The following UGP2 variants were observed in gnomAD, a reference collection of about 807,000 sequenced individuals.
The protein encoded by UGP2 is UDP-glucose pyrophosphorylase 2, also known as UTP--glucose-1-phosphate uridylyltransferase.
Under a neutral mutation model 49.0 loss-of-function variants are expected in UGP2, and 40 were observed. The observed-to-expected ratio is 0.82, with a 90% CI of 0.63 to 1.06. The LOEUF (loss-of-function observed/expected upper bound fraction) is 1.06, where lower values mean the gene tolerates loss of function less well. UGP2 is among the 50% of genes least tolerant of loss of function. The pLI is 0.00. For missense variants in UGP2, 460 were observed against 603.5 expected, an observed-to-expected ratio of 0.76 and a Z score of 2.49; for synonymous variants, 225 against 213.0, an observed-to-expected ratio of 1.06 and a Z score of -0.49.
intron 3 of UGP2, among the ~76,000 whole-genome samples, chr2:63,867,492 G>C (rs1260943034): frequency 1.3e-5 from 2 of 152,064 alleles, no homozygotes; most frequent in Non-Finnish European, 2.9e-5. Context: ...TTTGGCAAAG[G>C]CTCAACCACA....
chr2:63,842,412 GT>G (rs751883949), intron 1 of UGP2: 1 of 1,576,928 alleles, frequency 6.3e-7, no homozygotes, highest in African/African-American at 1.3e-5. Context: ...ACCCTGCTGG[GT>G]TTAGTTTTGC....
chr2:63,873,636 A>T (rs1237105071), intron 3 of UGP2, among the ~76,000 whole-genome samples: 1 of 152,130 alleles, frequency 6.6e-6, no homozygotes, highest in African/African-American at 2.4e-5. Context: ...ATGAGAGGAA[A>T]AAGCGCAAGG....
intron 3 of UGP2, among the ~76,000 whole-genome samples, chr2:63,880,678 T>C (rs1671242578): frequency 6.6e-6 from 1 of 152,178 alleles, no homozygotes; most frequent in South Asian, 2.1e-4. Flanking sequence ...GAAAACATCC[T>C]TCAAGGATTG....
At chr2:63,874,182 A>C (rs1464972741) in intron 3 of UGP2, among the ~76,000 whole-genome samples, 1 of 152,190 alleles carries the variant, frequency 6.6e-6, no homozygotes, top group Non-Finnish European at 1.5e-5. Context: ...AAAGGGGAAA[A>C]AAATGATGTT....
At chr2:63,844,435 CTT>C (rs66854892) in intron 1 of UGP2, among the ~76,000 whole-genome samples, 1 of 150,226 alleles carries the variant, frequency 6.7e-6, no homozygotes, top group African/African-American at 2.5e-5. Context: ...AGGTTTCTAA[CTT>C]TTTTTTTTCA....
Position 63,891,261 on chromosome 2 carries a change from C to A in UGP2, c.*34C>A. The A allele has an allele frequency of 1.3e-6, 2 of 1,543,096 alleles. No individual in the cohort carries two copies. The highest frequency in any genetic ancestry group is 1.8e-6 in the Non-Finnish European group (2 of 1,117,708). ...ATACTGTGGACACTTAAATAATGGG[C>A]TAGTTTCTTACAATGAAATGTTCTC... is the stretch of plus-strand genomic sequence containing the variant. On this transcript the variant is annotated 3_prime_UTR_variant, in exon 10 of 10. Coordinates refer to ENST00000337130, the MANE Select transcript of UGP2 (RefSeq NM_006759.4).
intron 3 of UGP2, among the ~76,000 whole-genome samples, chr2:63,866,381 AACTG>A (rs1241772847): frequency 6.6e-6 from 1 of 152,204 alleles, no homozygotes; most frequent in Non-Finnish European, 1.5e-5. Context: ...TTTTAAAATT[AACTG>A]ACTACTTGTT....
At chr2:63,862,038 A>G (rs985567946) in intron 3 of UGP2, among the ~76,000 whole-genome samples, 1 of 152,054 alleles carries the variant, frequency 6.6e-6, no homozygotes, top group Non-Finnish European at 1.5e-5. Context: ...TAAAGTTTGC[A>G]CATTAAAAGA....
At chr2:63,881,745 A>C (rs1363081822) in intron 3 of UGP2, among the ~76,000 whole-genome samples, 1 of 152,198 alleles carries the variant, frequency 6.6e-6, no homozygotes, top group East Asian at 1.9e-4. Flanking sequence ...GCTAGGGAGA[A>C]GATTGAGTTG....
chr2:63,856,553 A>C, intron 2 of UGP2, 120 bp downstream of exon 2: 1 of 1,151,306 alleles, frequency 8.7e-7, no homozygotes, highest in Non-Finnish European at 1.2e-6. Flanking sequence ...GTACGATAAC[A>C]TCAAAAACAA....
Position 63,891,329 on chromosome 2 carries a change from C to G in UGP2, c.*102C>G. ...CAGGTACTTTACTATGTTACTGTAC[C>G]CTGCAGTGTTGATTTTTAAAATAGA... On this transcript the variant is annotated 3_prime_UTR_variant, in exon 10 of 10. Transcript: ENST00000337130. The G allele has an allele frequency of 1.2e-6, 1 of 868,190 alleles. No individual in the cohort carries two copies. The highest frequency in any genetic ancestry group is 1.7e-6 in the Non-Finnish European group (1 of 582,836). The allele number at this position is 868,190 out of a possible 1,614,324, so 53.8% of individuals were successfully genotyped here. A position where few individuals can be genotyped will look rare whatever the true frequency, so the allele number is the denominator to read the frequency against.
chr2:63,845,578 T>C (rs1466058917), intron 1 of UGP2, among the ~76,000 whole-genome samples: 1 of 151,876 alleles, frequency 6.6e-6, no homozygotes, highest in Non-Finnish European at 1.5e-5. Context: ...AATATGAATT[T>C]GGTTGTAGTT....
intron 1 of UGP2, 70 bp downstream of exon 1, chr2:63,842,274 G>C: frequency 1.9e-6 from 3 of 1,608,812 alleles, no homozygotes; most frequent in Non-Finnish European, 1.7e-6. Flanking sequence ...GGAGAGGTTG[G>C]TGGGTGGTTT....
intron 3 of UGP2, among the ~76,000 whole-genome samples, chr2:63,861,488 T>G (rs1254497848): frequency 6.6e-6 from 1 of 151,906 alleles, no homozygotes; most frequent in African/African-American, 2.4e-5. Context: ...GAAGGCTTTT[T>G]TACCAGCACA....
intron 3 of UGP2, among the ~76,000 whole-genome samples, chr2:63,859,969 C>A (rs900670083): frequency 5.3e-5 from 8 of 152,138 alleles, no homozygotes; most frequent in Non-Finnish European, 2.9e-5. Context: ...GAATACAAAT[C>A]TTGAGCTAAT....
Position 63,842,403 on chromosome 2 carries a change from C to T in UGP2, c.19+199C>T, listed in dbSNP as rs753417404. On this transcript the variant is annotated intron_variant, in intron 1 of 9. Transcript: ENST00000337130. ...GACGCGTATAATTTATGCTCCTGTA[C>T]CCTGCTGGGTTTAGTTTTGCCTCCC... The T allele has an allele frequency of 3.3e-5, 53 of 1,587,282 alleles. No homozygotes were observed. The East Asian group carries it at 1.2e-3, about 35-fold the overall frequency.
chr2:63,890,288 A>AATTACACTAGTAATTAAG lies in UGP2; in HGVS notation c.1419+103_1419+104insATTACACTAGTAATTAAG, dbSNP rs1340825342. ...ACTTTAAGGAATACTTGTTAGTCTT[A>AATTACACTAGTAATTAAG]GTGCCACCTTAATTACTAGTGTAAT... On this transcript the variant is annotated intron_variant, in intron 9 of 9. Coordinates refer to ENST00000337130, the MANE Select transcript of UGP2 (RefSeq NM_006759.4). The AATTACACTAGTAATTAAG allele has an allele frequency of 2.9e-4, 216 of 745,112 alleles. 1 individual carries two copies. The highest frequency in any genetic ancestry group is 4.0e-4 in the Non-Finnish European group (187 of 463,402). The allele number at this position is 745,112 out of a possible 1,614,324, so 46.2% of individuals were successfully genotyped here. A position where few individuals can be genotyped will look rare whatever the true frequency, so the allele number is the denominator to read the frequency against.
chr2:63,875,824 T>G (rs1336878740), intron 3 of UGP2, among the ~76,000 whole-genome samples: 1 of 152,184 alleles, frequency 6.6e-6, no homozygotes, highest in East Asian at 1.9e-4. Context: ...AGTAGAGGTC[T>G]TAGAACACTG....
chr2:63,849,031 C>T (rs1031319625), intron 1 of UGP2, among the ~76,000 whole-genome samples: 1 of 152,082 alleles, frequency 6.6e-6, no homozygotes, highest in Non-Finnish European at 1.5e-5. Flanking sequence ...TATGTTGTCT[C>T]GTTAATATAC....
Sources: allele counts gnomAD v4.1 joint callset (sites outside exome capture counted in the v4.1 genomes callset), GRCh38; gene constraint gnomAD v4.1.1; transcripts MANE v1.5; gene names NCBI Gene and HGNC (gene_info 2026-07-23, HGNC 2026-07-21).